PACRG: variants seen among roughly 807,000 people sequenced by gnomAD.
The protein encoded by PACRG is parkin coregulated.
In PACRG, 29 loss-of-function variants were observed where a neutral mutation model predicts 29.7. That is an observed-to-expected ratio of 0.98 (90% confidence interval 0.73 to 1.33). PACRG has a LOEUF of 1.33. PACRG is among the 40% of genes most tolerant of loss of function. The probability of loss-of-function intolerance (pLI) is 0.00; values close to 1 mark genes in which losing one functional copy is unlikely to be tolerated. For synonymous variants in PACRG, 116 were observed against 118.7 expected (o/e 0.98, Z 0.15); for missense variants, 279 against 316.2 (o/e 0.88, Z 0.89).
chr6:163,259,997 G>T (rs1783261143), intron 4 of PACRG, among the ~76,000 whole-genome samples: 2 of 152,330 alleles, frequency 1.3e-5, no homozygotes, highest in South Asian at 4.1e-4. Context: ...GTGTGTGCCT[G>T]TGTGTTCCTG....
At chr6:162,779,533 G>T (rs572913759) in intron 1 of PACRG, among the ~76,000 whole-genome samples, 2 of 152,226 alleles carry the variant, frequency 1.3e-5, no homozygotes, top group South Asian at 4.1e-4. Flanking sequence ...CTCCTCTGAG[G>T]CTTCCCTGGT....
intron 1 of PACRG, among the ~76,000 whole-genome samples, chr6:162,787,582 G>GTA (rs869254835): frequency 0.015 from 919 of 62,284 alleles, 12 homozygotes; most frequent in Middle Eastern, 0.023. Flanking sequence ...GTGTGTGTGT[G>GTA]TATATATATA....
chr6:163,167,428 C>T (rs1288117569), intron 4 of PACRG, among the ~76,000 whole-genome samples: 1 of 152,144 alleles, frequency 6.6e-6, no homozygotes, highest in East Asian at 1.9e-4. Context: ...CTTCAGGGTT[C>T]TTTGCCAAGT....
intron 2 of PACRG, among the ~76,000 whole-genome samples, chr6:162,858,808 C>T (rs763202588): frequency 1.3e-5 from 2 of 152,152 alleles, no homozygotes; most frequent in Non-Finnish European, 2.9e-5. Flanking sequence ...GGCAGTACTC[C>T]TGTCACATGA....
chr6:163,083,846 C>CT (rs759053884), intron 3 of PACRG, among the ~76,000 whole-genome samples: 1 of 151,772 alleles, frequency 6.6e-6, no homozygotes, highest in East Asian at 1.9e-4. Context: ...GAAATGTTTC[C>CT]TTTTTTCCTG....
chr6:162,899,230 G>T (rs1032195992), intron 2 of PACRG, among the ~76,000 whole-genome samples: 5 of 152,178 alleles, frequency 3.3e-5, no homozygotes, highest in Admixed American at 2.6e-4. Flanking sequence ...GTAGTGGCCA[G>T]GTGGTGTGCC....
chr6:163,163,129 C>T (rs568407630), intron 4 of PACRG, among the ~76,000 whole-genome samples: 1 of 152,314 alleles, frequency 6.6e-6, no homozygotes. Context: ...TTTTTCTTTC[C>T]AATTAAGTGG....
chr6:163,228,938 T>A (rs118011509), intron 4 of PACRG, among the ~76,000 whole-genome samples: 424 of 152,340 alleles, frequency 2.8e-3, no homozygotes, highest in Middle Eastern at 0.027. Flanking sequence ...ACTTTCTCCC[T>A]GGACCTGAAA....
At position 163,055,141 on chromosome 6, in the gene PACRG, A is replaced by T. The variant is rs956748265; in HGVS notation, c.292-7009A>T. On this transcript the variant is annotated intron_variant, in intron 2 of 4. Transcript: ENST00000366888. The surrounding 1 kb of genome is among the most constrained non-coding windows in gnomAD (Gnocchi z 4.0). ...GAATGAGGAAGCAAGGACAGTGATGATAAAGAATTCTCTTGAAAAACTTTA... is the reference window on the plus strand; with the variant it reads ...GAATGAGGAAGCAAGGACAGTGATGTTAAAGAATTCTCTTGAAAAACTTTA... 2.0e-5 allele frequency among the ~76,000 whole-genome samples: 3 copies of T among 152,192 alleles called. No individual in the cohort carries two copies. Among genetic ancestry groups the T allele is most frequent in the African/African-American group, 4.8e-5 (2 of 41,450 alleles).
intron 3 of PACRG, among the ~76,000 whole-genome samples, chr6:163,080,729 T>C (rs1812998815): frequency 6.6e-6 from 1 of 152,244 alleles, no homozygotes; most frequent in Admixed American, 6.5e-5. Flanking sequence ...TATTTTGATC[T>C]ATTGAAAAAT....
chr6:163,000,007 G>A (rs1430319165), intron 2 of PACRG, among the ~76,000 whole-genome samples: 1 of 152,216 alleles, frequency 6.6e-6, no homozygotes, highest in Non-Finnish European at 1.5e-5. Context: ...GGATGTACTT[G>A]TAACATCCTA....
At chr6:162,823,529 T>G (rs990218040) in intron 2 of PACRG, among the ~76,000 whole-genome samples, 1 of 151,566 alleles carries the variant, frequency 6.6e-6, no homozygotes, top group African/African-American at 2.4e-5. Flanking sequence ...TTTTTTTTTT[T>G]GAGACAGAGT....
In PACRG at chr6:162,911,727, G is replaced by C. The variant is rs77261167; in HGVS notation, c.291+97446G>C. ...AAATTCAGGATAATTCATTCAAAGA[G>C]GGTTTATTTACAAAGATTTTCAAAG... is the stretch of plus-strand genomic sequence containing the variant. On this transcript the variant is annotated intron_variant, in intron 2 of 4. Coordinates refer to ENST00000366888, the MANE Select transcript of PACRG (RefSeq NM_001080379.2). Among the ~76,000 whole-genome samples the C allele has an allele frequency of 1.4e-4, 21 of 152,246 alleles. No individual in the cohort carries two copies. The East Asian group carries it at 3.7e-3, about 27-fold the overall frequency.
intron 2 of PACRG, among the ~76,000 whole-genome samples, chr6:162,817,148 G>A (rs905164958): frequency 6.6e-6 from 1 of 152,130 alleles, no homozygotes; most frequent in Non-Finnish European, 1.5e-5. Context: ...TGTAAACCCC[G>A]GCACAGGCTG....
At chr6:162,957,131 C>T (rs186149177) in intron 2 of PACRG, 35 of 205,020 alleles carry the variant, frequency 1.7e-4, no homozygotes, top group African/African-American at 5.3e-4. Flanking sequence ...ATGTCTGAGA[C>T]TCACTAGAAA....
At chr6:162,729,506 GA>G (rs1305397256) in intron 1 of PACRG, among the ~76,000 whole-genome samples, 4 of 152,144 alleles carry the variant, frequency 2.6e-5, no homozygotes, top group African/African-American at 9.7e-5. Context: ...TGTGTCAGGT[GA>G]TTTACAGTAG....
intron 2 of PACRG, among the ~76,000 whole-genome samples, chr6:163,058,950 G>A (rs1187620596): frequency 1.3e-5 from 2 of 151,334 alleles, no homozygotes; most frequent in African/African-American, 4.9e-5. Flanking sequence ...GTGTTGGTGC[G>A]TGCCTGTAAT....
intron 2 of PACRG, among the ~76,000 whole-genome samples, chr6:162,947,559 C>CAT (rs1218221688): frequency 1.3e-4 from 9 of 70,258 alleles, no homozygotes; most frequent in Non-Finnish European, 1.7e-4. Flanking sequence ...TATATATAAT[C>CAT]ATATATATAT....
intron 2 of PACRG, among the ~76,000 whole-genome samples, chr6:162,896,117 T>G (rs1273906554): frequency 6.6e-6 from 1 of 152,198 alleles, no homozygotes; most frequent in Non-Finnish European, 1.5e-5. Flanking sequence ...CCACCACACC[T>G]TCCTCAGCCC....
Sources: gnomAD v4.1 joint callset for allele counts (sites outside exome capture counted in the v4.1 genomes callset) on GRCh38, gnomAD v4.1.1 for gene constraint, Gnocchi (gnomAD v3.1) non-coding constraint, MANE v1.5 for transcripts, NCBI Gene and HGNC (gene_info 2026-07-23, HGNC 2026-07-21) for gene names.